The following CCDC85A variants were observed in gnomAD, a reference collection of about 807,000 sequenced individuals.
CCDC85A encodes the protein coiled-coil domain containing 85A.
In CCDC85A, 38 loss-of-function variants were observed where a neutral mutation model predicts 50.2. The ratio of observed to expected loss-of-function variants is 0.76; its 90% CI spans 0.58 to 0.99. The LOEUF is 0.99. Ranked by LOEUF, CCDC85A falls within the 50% of genes least tolerant of loss-of-function variation. The pLI is 0.00. For synonymous variants in CCDC85A, 366 were observed against 301.4 expected (o/e 1.21, Z -2.22); for missense variants, 820 against 742.0 (o/e 1.11, Z -1.22).
intron 2 of CCDC85A, among the ~76,000 whole-genome samples, chr2:56,277,751 G>A (rs75159967): frequency 8.5e-5 from 13 of 152,320 alleles, no homozygotes; most frequent in Admixed American, 1.3e-4. Flanking sequence ...GCCCTTAGGC[G>A]CAGAGTCTCC....
At chr2:56,302,120 G>T (rs1672235338) in intron 2 of CCDC85A, among the ~76,000 whole-genome samples, 1 of 152,018 alleles carries the variant, frequency 6.6e-6, no homozygotes, top group Non-Finnish European at 1.5e-5. Context: ...CCCGGGCCTG[G>T]TGGTGGGCGC....
chr2:56,384,438 C>T lies in CCDC85A; in HGVS notation c.*83C>T. 2 of 1,143,736 alleles carry T rather than the reference C, an allele frequency of 1.7e-6. No individual in the cohort carries two copies. The highest frequency in any genetic ancestry group is 2.6e-6 in the Non-Finnish European group (2 of 764,914). The allele number at this position is 1,143,736 out of a possible 1,614,324, so 70.8% of individuals were successfully genotyped here. The stretch of plus-strand genomic sequence containing the variant: ...AGAAAAAGGAAAGAGTGGGTTTCCA[C>T]AAACCTGGACTCATGGAATAACATG... On this transcript the variant is annotated 3_prime_UTR_variant, in exon 6 of 6. Coordinates refer to ENST00000407595, the MANE Select transcript of CCDC85A (RefSeq NM_001080433.2).
chr2:56,301,812 T>A (rs1672218326), intron 2 of CCDC85A, among the ~76,000 whole-genome samples: 1 of 151,256 alleles, frequency 6.6e-6, no homozygotes, highest in South Asian at 2.1e-4. Context: ...CTGTTGGGGG[T>A]GGGAGCAAGG....
intron 2 of CCDC85A, among the ~76,000 whole-genome samples, chr2:56,271,621 C>G (rs1670701797): frequency 6.6e-6 from 1 of 152,142 alleles, no homozygotes; most frequent in South Asian, 2.1e-4. Flanking sequence ...TCCTGTCAAG[C>G]TTCTCCTGAT....
At chr2:56,282,892 G>C (rs536328307) in intron 2 of CCDC85A, among the ~76,000 whole-genome samples, 1 of 152,230 alleles carries the variant, frequency 6.6e-6, no homozygotes, top group Non-Finnish European at 1.5e-5. Flanking sequence ...CACATCTTTT[G>C]TTAAATTCAT....
intron 2 of CCDC85A, among the ~76,000 whole-genome samples, chr2:56,240,372 A>C (rs1440195901): frequency 1.3e-5 from 2 of 152,196 alleles, no homozygotes; most frequent in African/African-American, 4.8e-5. Context: ...AAACCCCAGA[A>C]AATTCTGTAA....
At chr2:56,200,182 G>T (rs56399326) in intron 2 of CCDC85A, among the ~76,000 whole-genome samples, 33,420 of 152,106 alleles carry the variant, frequency 0.22, 4,106 homozygotes, top group Admixed American at 0.31. Context: ...TTGCTTGTTG[G>T]CTGAGTCTTG....
At chr2:56,381,910 T>C (rs949823928) in intron 5 of CCDC85A, among the ~76,000 whole-genome samples, 1 of 152,084 alleles carries the variant, frequency 6.6e-6, no homozygotes. Context: ...TACAGTATTA[T>C]TTTTATTTTT....
intron 2 of CCDC85A, among the ~76,000 whole-genome samples, chr2:56,330,154 A>C (rs1169288161): frequency 1.3e-5 from 2 of 151,918 alleles, no homozygotes. Flanking sequence ...GCAGCAACAT[A>C]ACAGTGGAAA....
At chr2:56,292,155 T>C (rs1221502523) in intron 2 of CCDC85A, among the ~76,000 whole-genome samples, 1 of 152,144 alleles carries the variant, frequency 6.6e-6, no homozygotes, top group African/African-American at 2.4e-5. Flanking sequence ...CCATCTCAGC[T>C]CACTGTAAGC....
chr2:56,344,515 G>A (rs1674535085), intron 3 of CCDC85A, among the ~76,000 whole-genome samples: 1 of 152,138 alleles, frequency 6.6e-6, no homozygotes. Context: ...CAGAAACTGA[G>A]GCTAAGGGTG....
At position 56,184,613 on chromosome 2, in the gene CCDC85A, C is replaced by CGG; in HGVS notation, c.-12_-11insGG. 2.1e-6 allele frequency: 3 copies of CGG among 1,414,706 alleles called. No homozygotes were observed. The South Asian group carries it at 4.7e-5, about 22-fold the overall frequency. 87.6% of individuals were successfully genotyped at this position (1,414,706 alleles called of 1,614,324 possible). A position where few individuals can be genotyped will look rare whatever the true frequency, so the allele number is the denominator to read the frequency against. On this transcript the variant is annotated 5_prime_UTR_variant, in exon 1 of 6. Transcript: ENST00000407595. ...TCTTCCACCCACTTGCACCTGCCAC[C>CGG]CCGCGGATACCATGTCGAAGGCGGC... is the stretch of plus-strand genomic sequence containing the variant.
At chr2:56,230,332 C>T (rs1298453515) in intron 2 of CCDC85A, among the ~76,000 whole-genome samples, 1 of 152,158 alleles carries the variant, frequency 6.6e-6, no homozygotes, top group Non-Finnish European at 1.5e-5. Flanking sequence ...AATTCCTGAA[C>T]ACAGGCAGTA....
chr2:56,327,597 C>T (rs992051372), intron 2 of CCDC85A, among the ~76,000 whole-genome samples: 3 of 152,066 alleles, frequency 2.0e-5, no homozygotes, highest in Non-Finnish European at 2.9e-5. Context: ...ATATCCCAGC[C>T]TACGGTGTCT....
intron 2 of CCDC85A, among the ~76,000 whole-genome samples, chr2:56,341,772 G>T (rs1558649676): frequency 6.6e-6 from 1 of 152,176 alleles, no homozygotes; most frequent in Non-Finnish European, 1.5e-5. Context: ...TTTCAGGTCT[G>T]CTCCTGGTTT....
At chr2:56,255,343 G>T (rs1185574204) in intron 2 of CCDC85A, among the ~76,000 whole-genome samples, 1 of 152,194 alleles carries the variant, frequency 6.6e-6, no homozygotes, top group African/African-American at 2.4e-5. Context: ...GGGTGGTGAA[G>T]AAGGAGAGGG....
rs1208819394 is a variant in CCDC85A, at chr2:56,246,730, AT to A, written c.1240+53291del. On this transcript the variant is annotated intron_variant, in intron 2 of 5. Coordinates refer to ENST00000407595, the MANE Select transcript of CCDC85A (RefSeq NM_001080433.2). ...TTATATTTAGTTGACCTGTATGTTT[AT>A]AATTAGCTTAGGTTTGAACATCTTA... Among the ~76,000 whole-genome samples the A allele has an allele frequency of 3.1e-3, 473 of 152,296 alleles. 1 individual carries two copies. Among genetic ancestry groups the A allele is most frequent in the African/African-American group, 0.011 (449 of 41,578 alleles).
intron 2 of CCDC85A, among the ~76,000 whole-genome samples, chr2:56,246,421 A>T (rs1379971203): frequency 1.3e-5 from 2 of 151,954 alleles, no homozygotes; most frequent in African/African-American, 4.8e-5. Context: ...TTGGTGTCAT[A>T]TCTAAAAAAA....
chr2:56,362,706 C>A (rs1675593673), intron 3 of CCDC85A, among the ~76,000 whole-genome samples: 1 of 152,130 alleles, frequency 6.6e-6, no homozygotes, highest in African/African-American at 2.4e-5. Context: ...GCAACCTCTG[C>A]AACCTGGGTT....
Sources: allele counts gnomAD v4.1 joint callset (sites outside exome capture counted in the v4.1 genomes callset), GRCh38; gene constraint gnomAD v4.1.1; transcripts MANE v1.5; gene names NCBI Gene and HGNC (gene_info 2026-07-23, HGNC 2026-07-21).